The following TRIP12 variants were observed in gnomAD, a reference collection of about 807,000 sequenced individuals.
The protein encoded by TRIP12 is thyroid hormone receptor interactor 12.
Under a neutral mutation model 244.2 loss-of-function variants are expected in TRIP12, and 25 were observed. The observed-to-expected ratio is 0.10, with a 90% CI of 0.07 to 0.14. The LOEUF is 0.14. TRIP12 is among the 10% of genes least tolerant of loss of function. The pLI is 1.00. For synonymous variants in TRIP12, 905 were observed against 873.1 expected, an observed-to-expected ratio of 1.04 and a Z score of -0.64; for missense variants, 1,677 against 2,486.4, an observed-to-expected ratio of 0.67 and a Z score of 6.92.
chr2:229,798,730 A>T, intron 23 of TRIP12, 145 bp downstream of exon 23: 1 of 897,590 alleles, frequency 1.1e-6, no homozygotes, highest in Non-Finnish European at 1.6e-6. Context: ...CTGAGAAACT[A>T]CCTAATTCTT....
chr2:229,836,688 G>A lies in TRIP12; in HGVS notation c.1270+160C>T, dbSNP rs563211760. Among the ~76,000 whole-genome samples the A allele has an allele frequency of 3.3e-5, 5 of 152,170 alleles. No homozygotes were observed. In the East Asian group the frequency reaches 7.7e-4, roughly 23 times the overall value. On this transcript the variant is annotated intron_variant, in intron 6 of 41. Coordinates refer to ENST00000675903, the MANE Select transcript of TRIP12 (RefSeq NM_001348323.3). ...CAAATTTGGATGAGAATTTTAAAAT[G>A]GCAACCAAATCCAACTAATCAAAAT...
intron 2 of TRIP12, among the ~76,000 whole-genome samples, chr2:229,863,123 G>A (rs2060730261): frequency 6.6e-6 from 1 of 151,812 alleles, no homozygotes; most frequent in African/African-American, 2.4e-5. Flanking sequence ...CAGCTACTTG[G>A]GAGGCTGAGG....
intron 1 of TRIP12, among the ~76,000 whole-genome samples, chr2:229,908,146 G>A (rs1264287753): frequency 2.0e-5 from 3 of 152,068 alleles, no homozygotes; most frequent in Non-Finnish European, 2.9e-5. Flanking sequence ...CCTGAGCCAA[G>A]GGAAGGATTC....
At chr2:229,890,081 T>C (rs2066958365) in intron 1 of TRIP12, among the ~76,000 whole-genome samples, 1 of 4,570 alleles carries the variant, frequency 2.2e-4, no homozygotes, top group African/African-American at 4.9e-4. Context: ...AGGTTAACTC[T>C]TTTTTTTTTT....
intron 8 of TRIP12, among the ~76,000 whole-genome samples, chr2:229,819,035 A>G (rs974608175): frequency 7.4e-6 from 1 of 134,620 alleles, no homozygotes; most frequent in African/African-American, 2.9e-5. Flanking sequence ...CTGTAAAAAT[A>G]AAAACCACAC....
chr2:229,831,887 G>GTTTT (rs35424089), intron 6 of TRIP12, among the ~76,000 whole-genome samples: 7 of 136,752 alleles, frequency 5.1e-5, no homozygotes, highest in South Asian at 2.3e-4. Context: ...TGTTTTTTGG[G>GTTTT]TTTTTTTTTT....
chr2:229,830,676 CTAAAT>C, intron 7 of TRIP12, 75 bp downstream of exon 7: 2 of 1,382,452 alleles, frequency 1.4e-6, no homozygotes, highest in South Asian at 1.3e-5. Flanking sequence ...ATGAATTTAA[CTAAAT>C]TAATTTCAAT....
At chr2:229,891,066 G>C (rs1233329750) in intron 1 of TRIP12, among the ~76,000 whole-genome samples, 1 of 152,300 alleles carries the variant, frequency 6.6e-6, no homozygotes, top group East Asian at 1.9e-4. Flanking sequence ...GGTGGCTTGA[G>C]CCCAGGAGTT....
chr2:229,877,881 A>C (rs527752811), intron 2 of TRIP12, among the ~76,000 whole-genome samples: 1 of 152,228 alleles, frequency 6.6e-6, no homozygotes. Context: ...TCTAAAATGA[A>C]CATGTAACAC....
At chr2:229,873,874 G>C (rs1245157465) in intron 2 of TRIP12, among the ~76,000 whole-genome samples, 1 of 151,980 alleles carries the variant, frequency 6.6e-6, no homozygotes, top group Admixed American at 6.6e-5. Flanking sequence ...CTGTATACAA[G>C]CATTTCCTCT....
intron 26 of TRIP12, chr2:229,794,798 C>A (rs1462406087): frequency 6.5e-6 from 1 of 153,508 alleles, no homozygotes; most frequent in Non-Finnish European, 1.4e-5. Flanking sequence ...ACTAATATTA[C>A]ATATAAATCA....
rs2040720143 is a variant in TRIP12, at chr2:229,788,826, T to C, written c.4810A>G (p.Thr1604Ala). The C allele has an allele frequency of 6.2e-7, 1 of 1,614,016 alleles. No individual in the cohort carries two copies. The highest frequency in any genetic ancestry group is 8.5e-7 in the Non-Finnish European group (1 of 1,179,978). The change falls in exon 32 of 42, where the codon ACA (threonine) becomes GCA (alanine). Residue 1604 changes from threonine to alanine, a missense_variant. Thr to Ala is a moderately conservative substitution (Grantham distance 58). Transcript: ENST00000675903. ...PLVIMTGNIP[T>A]WLTELGKTCP... ...GTTTTTCCTAGCTCAGTAAGCCATG[T>C]TGGGATGTTTCCTGTCATGATTACT...
At chr2:229,813,229 AAGAAAG>A (rs1315557180) in intron 13 of TRIP12, among the ~76,000 whole-genome samples, 1 of 152,214 alleles carries the variant, frequency 6.6e-6, no homozygotes, top group Admixed American at 6.5e-5. Flanking sequence ...AATGCCTCTC[AAGAAAG>A]AGTAATCTTT....
chr2:229,895,086 T>A (rs1268478981), intron 1 of TRIP12, among the ~76,000 whole-genome samples: 4 of 152,172 alleles, frequency 2.6e-5, no homozygotes, highest in Non-Finnish European at 5.9e-5. Flanking sequence ...ATAGGAGAAT[T>A]ATCAGATCTT....
intron 4 of TRIP12, among the ~76,000 whole-genome samples, chr2:229,846,743 T>TA (rs1559821627): frequency 6.6e-6 from 1 of 152,236 alleles, no homozygotes; most frequent in Non-Finnish European, 1.5e-5. Context: ...AATAACTCAG[T>TA]AATAATAAGA....
Position 229,804,208 on chromosome 2 carries a change from CTTT to C in TRIP12, c.2667_2669del (p.Lys891del), listed in dbSNP as rs772234488. 6.2e-7 allele frequency: 1 copy of C among 1,613,244 alleles called. No homozygotes were observed. The highest frequency in any genetic ancestry group is 8.5e-7 in the Non-Finnish European group (1 of 1,179,766). On this transcript the variant is annotated inframe_deletion, in exon 19 of 42. Coordinates refer to ENST00000675903, the MANE Select transcript of TRIP12 (RefSeq NM_001348323.3). ...TAAGCTGTGCTCGAGCATCATCCTT[CTTT>C]GACTCTGAATATCCACCTATTACAT...
intron 4 of TRIP12, among the ~76,000 whole-genome samples, chr2:229,856,041 G>GAA (rs34935047): frequency 9.3e-5 from 9 of 97,220 alleles, no homozygotes; most frequent in Admixed American, 1.1e-4. Flanking sequence ...CTCTGTCTCA[G>GAA]AAAAAAAAAA....
chr2:229,796,676 A>T lies in TRIP12; in HGVS notation c.3731T>A (p.Leu1244His). ...QHSGFVKQLLLYLTSKSEKDA... is the reference protein window; with the variant it reads ...QHSGFVKQLLHYLTSKSEKDA... ...CTTTTCACTTTTAGATGTCAAATAA[A>T]GCAACAGCTGCTTCACAAATCCACT... The change falls in exon 25 of 42, where the codon CTT becomes CAT. Residue 1244 changes from leucine to histidine, a missense_variant. Physicochemically the swap from Leu to His is moderately conservative, Grantham distance 99 (BLOSUM62 -3). This residue lies in a region of TRIP12 where 77 missense variants were observed against 69.2 expected (regional missense o/e 1.11). Coordinates refer to ENST00000675903, the MANE Select transcript of TRIP12 (RefSeq NM_001348323.3). The T allele has an allele frequency of 6.2e-7, 1 of 1,613,424 alleles. No individual in the cohort carries two copies. Among genetic ancestry groups the T allele is most frequent in the Non-Finnish European group, 8.5e-7 (1 of 1,179,852 alleles).
chr2:229,914,054 G>A (rs2074888804), intron 1 of TRIP12, among the ~76,000 whole-genome samples: 2 of 152,066 alleles, frequency 1.3e-5, no homozygotes, highest in African/African-American at 4.8e-5. Context: ...GATTGCCTGA[G>A]GTCAGGAGTT....
Sources: gnomAD v4.1 joint callset for allele counts (sites outside exome capture counted in the v4.1 genomes callset) on GRCh38, gnomAD v4.1.1 for gene constraint, gnomAD v4.1.1 regional missense constraint, MANE v1.5 for transcripts, NCBI Gene and HGNC (gene_info 2026-07-23, HGNC 2026-07-21) for gene names.